The following POU6F2 variants were observed in gnomAD, a reference collection of about 807,000 sequenced individuals.
The protein encoded by POU6F2 is POU class 6 homeobox 2.
In POU6F2, 31 loss-of-function variants were observed where a neutral mutation model predicts 71.3. The ratio of observed to expected loss-of-function variants is 0.43; its 90% confidence interval spans 0.33 to 0.59. The LOEUF is 0.59. Ranked by LOEUF, POU6F2 falls within the 20% of genes least tolerant of loss-of-function variation. The probability of loss-of-function intolerance (pLI) is 0.04; values close to 1 mark genes in which losing one functional copy is unlikely to be tolerated. For synonymous variants in POU6F2, 347 were observed against 355.7 expected (o/e 0.98, Z 0.27); for missense variants, 783 against 856.8 (o/e 0.91, Z 1.07).
intron 5 of POU6F2, among the ~76,000 whole-genome samples, chr7:39,353,485 G>A (rs1194551816): frequency 7.9e-5 from 12 of 152,224 alleles, no homozygotes; most frequent in East Asian, 3.9e-4. Flanking sequence ...TAATATATAC[G>A]TATGCATGGA....
At chr7:39,424,823 C>CAAA (rs77118861) in intron 6 of POU6F2, among the ~76,000 whole-genome samples, 1 of 141,340 alleles carries the variant, frequency 7.1e-6, no homozygotes. Context: ...CAAGCACACA[C>CAAA]AAAAAAAAAA....
chr7:39,285,695 A>G (rs1027847323), intron 4 of POU6F2, among the ~76,000 whole-genome samples: 2 of 152,216 alleles, frequency 1.3e-5, no homozygotes, highest in East Asian at 1.9e-4. Flanking sequence ...TCAATCAGCC[A>G]TAGAGGAAAG....
rs78728821 is a variant in POU6F2 at position 39,460,792 on chromosome 7, G to A, written c.1658+77G>A. The A allele has an allele frequency of 1.0e-3, 1,490 of 1,421,108 alleles. 11 individuals carry two copies. In the African/African-American group the frequency reaches 0.019, roughly 18 times the overall value. 88.0% of individuals were successfully genotyped at this position (1,421,108 alleles called of 1,614,324 possible). A position where few individuals can be genotyped will look rare whatever the true frequency, so the allele number is the denominator to read the frequency against. ...TGTCCTCGCGGTTCAGCTTTTCTTC[G>A]TCGGGTGGGCAAAGCTGGAGGGGCA... is the stretch of plus-strand genomic sequence containing the variant. On this transcript the variant is annotated intron_variant, in intron 9 of 9. Transcript: ENST00000518318. This position sits in a 1 kb window ranked among gnomAD's most constrained non-coding sequence, Gnocchi z 4.4.
Position 39,056,454 on chromosome 7 carries a change from A to T in POU6F2, c.106-29406A>T, listed in dbSNP as rs553156438. ...TAATGCTTTAAATTGCCTTATGGCA[A>T]ACATTTTCTGGTGAATGTTCTTTTC... On this transcript the variant is annotated intron_variant, in intron 1 of 9. Coordinates refer to ENST00000518318, the MANE Select transcript of POU6F2 (RefSeq NM_001370959.1). 5.9e-5 allele frequency among the ~76,000 whole-genome samples: 9 copies of T among 152,190 alleles called. No homozygotes were observed. The East Asian group carries it at 1.7e-3, about 29-fold the overall frequency.
chr7:39,082,080 C>T (rs1791132254), intron 1 of POU6F2, among the ~76,000 whole-genome samples: 1 of 152,138 alleles, frequency 6.6e-6, no homozygotes, highest in Non-Finnish European at 1.5e-5. Flanking sequence ...ATAAGTGGGA[C>T]CTATATTTAT....
chr7:39,172,667 C>CTGAA (rs1240330138), intron 2 of POU6F2, among the ~76,000 whole-genome samples: 1 of 149,866 alleles, frequency 6.7e-6, no homozygotes, highest in African/African-American at 2.5e-5. Context: ...GTTGCCCAGA[C>CTGAA]TGAAGTGCAG....
At chr7:39,258,702 A>T (rs1216890241) in intron 4 of POU6F2, among the ~76,000 whole-genome samples, 2 of 60,766 alleles carry the variant, frequency 3.3e-5, no homozygotes, top group South Asian at 8.1e-4. Flanking sequence ...CTAGATGTTT[A>T]AAAAAAAAAA....
intron 2 of POU6F2, among the ~76,000 whole-genome samples, chr7:39,182,072 A>C (rs1221611389): frequency 6.6e-6 from 1 of 152,240 alleles, no homozygotes; most frequent in Admixed American, 6.5e-5. Flanking sequence ...ATAAATCAGA[A>C]GATTTCAATT....
chr7:39,330,813 A>C (rs1469239225), intron 4 of POU6F2, among the ~76,000 whole-genome samples: 1 of 152,170 alleles, frequency 6.6e-6, no homozygotes, highest in East Asian at 1.9e-4. Context: ...TCTTCTAGCT[A>C]CTTTGTAATG....
chr7:39,031,731 A>T (rs1452698338), intron 1 of POU6F2, among the ~76,000 whole-genome samples: 1 of 152,112 alleles, frequency 6.6e-6, no homozygotes, highest in Non-Finnish European at 1.5e-5. Flanking sequence ...AAATAAAAAA[A>T]TTTGCCAGGC....
At chr7:39,100,543 A>G (rs1791548464) in intron 2 of POU6F2, among the ~76,000 whole-genome samples, 1 of 152,220 alleles carries the variant, frequency 6.6e-6, no homozygotes, top group Non-Finnish European at 1.5e-5. Flanking sequence ...TGGCACTTCT[A>G]AAACCACTCA....
intron 1 of POU6F2, among the ~76,000 whole-genome samples, chr7:39,031,307 T>G (rs1385447950): frequency 6.6e-6 from 1 of 152,226 alleles, no homozygotes; most frequent in Non-Finnish European, 1.5e-5. Context: ...TATATTGATT[T>G]TAGGAAAATG....
At chr7:39,403,109 G>A (rs1319626702) in intron 5 of POU6F2, among the ~76,000 whole-genome samples, 1 of 152,198 alleles carries the variant, frequency 6.6e-6, no homozygotes, top group African/African-American at 2.4e-5. Context: ...TCTGTTTTCA[G>A]AGCTGATGCC....
chr7:39,107,387 A>T (rs1791712669), intron 2 of POU6F2, among the ~76,000 whole-genome samples: 1 of 152,108 alleles, frequency 6.6e-6, no homozygotes. Context: ...AAAAGACACC[A>T]GTATTATTTT....
At chr7:39,290,700 G>A (rs557164464) in intron 4 of POU6F2, among the ~76,000 whole-genome samples, 10 of 152,236 alleles carry the variant, frequency 6.6e-5, no homozygotes, top group Admixed American at 5.9e-4. Flanking sequence ...ATCCAGCTAT[G>A]CCCTCTCTTT....
intron 4 of POU6F2, among the ~76,000 whole-genome samples, chr7:39,295,646 G>C (rs1363903785): frequency 6.6e-6 from 1 of 152,170 alleles, no homozygotes; most frequent in Non-Finnish European, 1.5e-5. Flanking sequence ...GGAAAGAAGA[G>C]TGGCAGCTCA....
chr7:39,441,365 T>TTGAGTCG (rs3072141), intron 7 of POU6F2, among the ~76,000 whole-genome samples: 50,943 of 151,178 alleles, frequency 0.34, 9,546 homozygotes, highest in East Asian at 0.58. Flanking sequence ...GTACTTGGAG[T>TTGAGTCG]TGAGTACATG....
intron 1 of POU6F2, among the ~76,000 whole-genome samples, chr7:39,046,706 C>T (rs74630274): frequency 0.012 from 1,838 of 151,952 alleles, 42 homozygotes; most frequent in African/African-American, 0.041. Context: ...GATCCATTAG[C>T]GCTTGCCTGA....
chr7:39,424,189 A>C (rs934583442), intron 6 of POU6F2, among the ~76,000 whole-genome samples: 1 of 152,186 alleles, frequency 6.6e-6, no homozygotes, highest in Admixed American at 6.5e-5. Flanking sequence ...CAAAGGCCTC[A>C]CTTCAAATAC....
Sources: gnomAD v4.1 joint callset for allele counts (sites outside exome capture counted in the v4.1 genomes callset) on GRCh38, gnomAD v4.1.1 for gene constraint, Gnocchi (gnomAD v3.1) non-coding constraint, MANE v1.5 for transcripts, NCBI Gene and HGNC (gene_info 2026-07-23, HGNC 2026-07-21) for gene names.